Variants in MYO5A observed in about 807,000 individuals in gnomAD.
MYO5A encodes unconventional myosin-Va.
MYO5A carries 98 observed loss-of-function variants against 249.7 expected under a neutral mutation model. That is an observed-to-expected ratio of 0.39 (90% confidence interval 0.33 to 0.46). The LOEUF is 0.46. Ranked by LOEUF, MYO5A falls within the 20% of genes least tolerant of loss-of-function variation. The pLI, the probability that MYO5A is intolerant of heterozygous loss-of-function variation, is 0.98. For synonymous variants in MYO5A, 778 were observed against 810.6 expected (o/e 0.96, Z 0.68); for missense variants, 1,696 against 2,308.8 (o/e 0.73, Z 5.44).
At position 52,310,649 on chromosome 15, in the gene MYO5A, GCA is replaced by G. The variant is rs1251486872; in HGVS notation, c.*3045_*3046del. The stretch of plus-strand genomic sequence containing the variant: ...CTGACTCCATCCACCTGCCTTCAGT[GCA>G]CAGTCAAACAGCAGGCAACGGGATA... On this transcript the variant is annotated 3_prime_UTR_variant, in exon 42 of 42. Coordinates refer to ENST00000399233, the MANE Select transcript of MYO5A (RefSeq NM_001382347.1). 1.3e-5 allele frequency: 2 copies of G among 152,332 alleles called. No individual in the cohort carries two copies. Among genetic ancestry groups the G allele is most frequent in the Non-Finnish European group, 2.9e-5 (2 of 68,138 alleles). 9.4% of individuals were successfully genotyped at this position (152,332 alleles called of 1,614,324 possible).
intron 1 of MYO5A, among the ~76,000 whole-genome samples, chr15:52,491,334 T>C (rs2076932103): frequency 6.6e-6 from 1 of 152,214 alleles, no homozygotes; most frequent in African/African-American, 2.4e-5. Flanking sequence ...TTTCATTGCA[T>C]AGAAAATTAA....
chr15:52,329,988 CTT>C (rs569269632), intron 35 of MYO5A, among the ~76,000 whole-genome samples: 6 of 100,210 alleles, frequency 6.0e-5, no homozygotes, highest in Admixed American at 1.0e-4. Flanking sequence ...TTTTCTTTTT[CTT>C]TTTTTTTTTT....
chr15:52,319,768 G>A (rs917416622), intron 38 of MYO5A, among the ~76,000 whole-genome samples: 1 of 152,120 alleles, frequency 6.6e-6, no homozygotes, highest in African/African-American at 2.4e-5. Context: ...AAAATAGAGG[G>A]AAAAGGAACT....
chr15:52,360,877 T>C (rs912033402), intron 24 of MYO5A, among the ~76,000 whole-genome samples: 2 of 151,900 alleles, frequency 1.3e-5, no homozygotes, highest in African/African-American at 4.8e-5. Flanking sequence ...GCAGGAGAGG[T>C]GGAAAAGATC....
At chr15:52,519,215 T>C (rs2077560735) in intron 1 of MYO5A, among the ~76,000 whole-genome samples, 1 of 152,092 alleles carries the variant, frequency 6.6e-6, no homozygotes, top group Non-Finnish European at 1.5e-5. Flanking sequence ...GAATAACGTA[T>C]GCAAGCAAGG....
At chr15:52,410,506 A>G in intron 5 of MYO5A, 30 bp from the exon 6 acceptor site, 1 of 1,588,942 alleles carries the variant, frequency 6.3e-7, no homozygotes, top group Non-Finnish European at 8.6e-7. Context: ...ATAAGATTTT[A>G]GAAGTGTAAT....
chr15:52,471,875 T>C (rs2076479894), intron 1 of MYO5A, among the ~76,000 whole-genome samples: 1 of 151,918 alleles, frequency 6.6e-6, no homozygotes. Context: ...ATTTTTTAAT[T>C]TGTTGTAGAG....
At chr15:52,408,491 T>G (rs1398345155) in intron 6 of MYO5A, among the ~76,000 whole-genome samples, 1 of 152,164 alleles carries the variant, frequency 6.6e-6, no homozygotes, top group East Asian at 1.9e-4. Context: ...TAATGGTACC[T>G]CTTAGATTCA....
At chr15:52,488,359 TCCCCA>T (rs1027529567) in intron 1 of MYO5A, among the ~76,000 whole-genome samples, 1 of 152,180 alleles carries the variant, frequency 6.6e-6, no homozygotes, top group Non-Finnish European at 1.5e-5. Context: ...AGTTCATATT[TCCCCA>T]AAAGAGCTAT....
rs185096272 is a variant in MYO5A, at chr15:52,524,635, T to C, written c.27+4145A>G. Among the ~76,000 whole-genome samples the C allele has an allele frequency of 2.5e-3, 373 of 151,942 alleles. 1 individual carries two copies. Among genetic ancestry groups the C allele is most frequent in the Non-Finnish European group, 4.4e-3 (300 of 67,978 alleles). On this transcript the variant is annotated intron_variant, in intron 1 of 41. Transcript: ENST00000399233. ...GGCTCATGCCTGTAATCCCACACTA[T>C]GGGAGGTGGAAGCAGGAGGATCACT... is the stretch of plus-strand genomic sequence containing the variant.
At chr15:52,398,028 C>T (rs1289840522) in intron 9 of MYO5A, among the ~76,000 whole-genome samples, 1 of 152,082 alleles carries the variant, frequency 6.6e-6, no homozygotes, top group Non-Finnish European at 1.5e-5. Context: ...AAAGGATTTT[C>T]CAAGCCAAGG....
At chr15:52,494,255 C>T (rs2076993557) in intron 1 of MYO5A, among the ~76,000 whole-genome samples, 1 of 152,160 alleles carries the variant, frequency 6.6e-6, no homozygotes, top group Non-Finnish European at 1.5e-5. Context: ...CTAATCCACC[C>T]ATAATCTGCT....
rs140238542 is a variant in MYO5A at position 52,320,874 on chromosome 15, G to A, written c.4951+485C>T. On this transcript the variant is annotated intron_variant, in intron 38 of 41. Coordinates refer to ENST00000399233, the MANE Select transcript of MYO5A (RefSeq NM_001382347.1). ...TAAAAATGCAAAAAATTAACTGGGC[G>A]TGGTGGCAGGCACCTGTAGTCCCAG... Among the ~76,000 whole-genome samples, 14 of 152,204 alleles carry A rather than the reference G, an allele frequency of 9.2e-5. No homozygotes were observed. The South Asian group carries it at 1.2e-3, about 14-fold the overall frequency.
intron 1 of MYO5A, among the ~76,000 whole-genome samples, chr15:52,442,065 C>T (rs2075795597): frequency 6.6e-6 from 1 of 152,170 alleles, no homozygotes; most frequent in Non-Finnish European, 1.5e-5. Context: ...AAGAGCTAGG[C>T]ATGTGGGGAG....
At chr15:52,378,321 G>T (rs951102764) in intron 18 of MYO5A, among the ~76,000 whole-genome samples, 2 of 151,866 alleles carry the variant, frequency 1.3e-5, no homozygotes, top group Non-Finnish European at 2.9e-5. Flanking sequence ...AGGAGTTCAA[G>T]ACCAGCCTGG....
chr15:52,386,497 T>C (rs2041978021), intron 14 of MYO5A, among the ~76,000 whole-genome samples: 1 of 152,088 alleles, frequency 6.6e-6, no homozygotes. Context: ...TTCTCTTACA[T>C]ATCAATCCTG....
chr15:52,466,064 C>G (rs889589823), intron 1 of MYO5A, among the ~76,000 whole-genome samples: 12 of 152,102 alleles, frequency 7.9e-5, no homozygotes, highest in African/African-American at 2.9e-4. Flanking sequence ...CCCTTCTAAG[C>G]CCTAGATCTA....
intron 1 of MYO5A, among the ~76,000 whole-genome samples, chr15:52,489,833 T>C (rs1157531571): frequency 6.6e-6 from 1 of 151,950 alleles, no homozygotes; most frequent in Non-Finnish European, 1.5e-5. Flanking sequence ...CTAAGTAAAT[T>C]TAAAACAAAA....
At chr15:52,329,905 A>ATTTTTTTTTTTTTTTTTTTTTTTT (rs58058940) in intron 35 of MYO5A, among the ~76,000 whole-genome samples, 12 of 119,746 alleles carry the variant, frequency 1.0e-4, no homozygotes, top group African/African-American at 1.6e-4. Context: ...CGCCTGGGTA[A>ATTTTTTTTTTTTTTTTTTTTTTTT]TTTTTTTTTT....
Sources: gnomAD v4.1 joint callset for allele counts (sites outside exome capture counted in the v4.1 genomes callset) on GRCh38, gnomAD v4.1.1 for gene constraint, MANE v1.5 for transcripts, NCBI Gene and HGNC (gene_info 2026-07-23, HGNC 2026-07-21) for gene names.